The following SLA variants were observed in gnomAD, a reference collection of about 807,000 sequenced individuals.
SLA encodes the protein src-like-adapter.
SLA carries 16 observed loss-of-function variants against 30.3 expected under a neutral mutation model. The ratio of observed to expected loss-of-function variants is 0.53; its 90% CI spans 0.36 to 0.80. The LOEUF (loss-of-function observed/expected upper bound fraction) is 0.80, where lower values mean the gene tolerates loss of function less well. Ranked by LOEUF, SLA falls within the 30% of genes least tolerant of loss-of-function variation. SLA has a pLI of 0.01. For synonymous variants in SLA, 143 were observed against 137.8 expected, an observed-to-expected ratio of 1.04 and a Z score of -0.26; for missense variants, 310 against 345.2, an observed-to-expected ratio of 0.90 and a Z score of 0.81.
intron 1 of SLA, among the ~76,000 whole-genome samples, chr8:133,100,724 G>T (rs1849110526): frequency 6.6e-6 from 1 of 152,110 alleles, no homozygotes; most frequent in African/African-American, 2.4e-5. Context: ...ACCATCAACG[G>T]TATGCTGGGT....
chr8:133,065,920 G>A (rs1842969383), intron 2 of SLA, among the ~76,000 whole-genome samples: 1 of 152,170 alleles, frequency 6.6e-6, no homozygotes, highest in Non-Finnish European at 1.5e-5. Context: ...GGAAGCCCGG[G>A]TCTGGGTTTC....
intron 1 of SLA, among the ~76,000 whole-genome samples, chr8:133,087,071 T>C (rs1194875243): frequency 7.0e-6 from 1 of 143,046 alleles, no homozygotes; most frequent in African/African-American, 2.6e-5. Flanking sequence ...AATATATGTT[T>C]ACACACACAC....
intron 1 of SLA, among the ~76,000 whole-genome samples, chr8:133,078,852 G>A (rs541935395): frequency 1.3e-5 from 2 of 152,308 alleles, no homozygotes; most frequent in African/African-American, 4.8e-5. Context: ...GAGCATGAAT[G>A]TATCTCCATC....
intron 1 of SLA, among the ~76,000 whole-genome samples, chr8:133,080,124 T>C (rs1845522985): frequency 6.6e-6 from 1 of 152,008 alleles, no homozygotes; most frequent in Non-Finnish European, 1.5e-5. Flanking sequence ...ACATTTGAAA[T>C]GAGTCCAGAG....
chr8:133,047,967 A>C, intron 5 of SLA, 34 bp from the exon 6 acceptor site: 1 of 1,347,810 alleles, frequency 7.4e-7, no homozygotes, highest in Non-Finnish European at 1.1e-6. Flanking sequence ...TAGGATCCGG[A>C]ACAAGCCCTC....
In SLA at chr8:133,036,858, G is replaced by A. The variant is rs1837201427; in HGVS notation, c.*1666C>T. ...ATGTTCCAATCACATTCGTCACAAC[G>A]GAAAACAACACATAAGATACTGTGC... On this transcript the variant is annotated 3_prime_UTR_variant, in exon 9 of 9. Transcript: ENST00000338087. The A allele has an allele frequency of 1.3e-5, 2 of 152,524 alleles. No homozygotes were observed. The highest frequency in any genetic ancestry group is 1.3e-4 in the Admixed American group (2 of 15,274). The allele number at this position is 152,524 out of a possible 1,614,324, so 9.4% of individuals were successfully genotyped here.
chr8:133,097,419 G>C (rs564100154), intron 1 of SLA, among the ~76,000 whole-genome samples: 2 of 152,286 alleles, frequency 1.3e-5, no homozygotes, highest in South Asian at 4.1e-4. Context: ...CAACTCAAAT[G>C]TCCATTAACA....
chr8:133,060,298 G>T, intron 2 of SLA, 98 bp from the exon 3 acceptor site: 1 of 1,575,230 alleles, frequency 6.3e-7, no homozygotes, highest in Non-Finnish European at 8.6e-7. Context: ...CATTTTTCTG[G>T]CAGCTTGCTT....
At chr8:133,052,820 T>C (rs1486275147) in intron 3 of SLA, among the ~76,000 whole-genome samples, 2 of 152,230 alleles carry the variant, frequency 1.3e-5, no homozygotes, top group Non-Finnish European at 2.9e-5. Context: ...TTTGTTTGGC[T>C]TCCTGGCAAA....
chr8:133,075,852 C>T (rs1588007251), intron 1 of SLA, among the ~76,000 whole-genome samples: 1 of 151,876 alleles, frequency 6.6e-6, no homozygotes, highest in Admixed American at 6.6e-5. Context: ...CTTGGTGAGC[C>T]TAGGTGAAGG....
At chr8:133,067,862 G>GA (rs1401788022) in intron 2 of SLA, among the ~76,000 whole-genome samples, 3 of 72,106 alleles carry the variant, frequency 4.2e-5, no homozygotes, top group African/African-American at 7.0e-5. Context: ...GAGAAAGAAA[G>GA]AAAGAAAGGA....
intron 7 of SLA, among the ~76,000 whole-genome samples, chr8:133,044,718 G>A (rs1371916629): frequency 6.6e-6 from 1 of 152,330 alleles, no homozygotes; most frequent in South Asian, 2.1e-4. Context: ...GGTTGCAGTT[G>A]TGAATTTAGG....
Position 133,102,429 on chromosome 8 carries a change from G to C in SLA, c.-319+124C>G. 4 of 841,430 alleles carry C rather than the reference G, an allele frequency of 4.8e-6. No homozygotes were observed. In the East Asian group the frequency reaches 1.1e-4, roughly 23 times the overall value. The allele number at this position is 841,430 out of a possible 1,614,324, so 52.1% of individuals were successfully genotyped here. The stretch of plus-strand genomic sequence containing the variant: ...AGCAGAGACCCACCCATTTTCTTCA[G>C]ACCAAAGACGGAGGGTGGGTACAGG... On this transcript the variant is annotated intron_variant, in intron 1 of 8. Coordinates refer to ENST00000338087, the MANE Select transcript of SLA (RefSeq NM_001045556.3).
chr8:133,053,769 G>T (rs543962819), intron 3 of SLA, among the ~76,000 whole-genome samples: 23 of 152,318 alleles, frequency 1.5e-4, no homozygotes, highest in Non-Finnish European at 2.8e-4. Flanking sequence ...GAGGGAAAGG[G>T]AGGCTTAGAG....
intron 1 of SLA, among the ~76,000 whole-genome samples, chr8:133,082,798 T>C (rs891611409): frequency 6.6e-6 from 1 of 151,878 alleles, no homozygotes; most frequent in African/African-American, 2.4e-5. Flanking sequence ...CATTCTATGA[T>C]GCCTTAATAC....
intron 2 of SLA, among the ~76,000 whole-genome samples, chr8:133,074,556 T>A (rs1844573091): frequency 6.6e-6 from 1 of 152,212 alleles, no homozygotes. Flanking sequence ...CAAATCCCAA[T>A]TATCCTTTGT....
At chr8:133,044,524 T>A (rs1465680596) in intron 7 of SLA, among the ~76,000 whole-genome samples, 1 of 152,194 alleles carries the variant, frequency 6.6e-6, no homozygotes, top group Non-Finnish European at 1.5e-5. Flanking sequence ...ACCCTTGGCA[T>A]GCTCTGAGCA....
chr8:133,090,632 T>G (rs2702987), intron 1 of SLA, among the ~76,000 whole-genome samples: 10,712 of 152,262 alleles, frequency 0.07, 1,221 homozygotes, highest in African/African-American at 0.24. Context: ...TTCCTAATGA[T>G]GAATACAACC....
At chr8:133,042,564 T>C (rs1387686231) in intron 7 of SLA, among the ~76,000 whole-genome samples, 1 of 151,944 alleles carries the variant, frequency 6.6e-6, no homozygotes, top group Non-Finnish European at 1.5e-5. Flanking sequence ...GTAAAAAAAT[T>C]GAGCTTCCAA....
Sources: allele counts gnomAD v4.1 joint callset (sites outside exome capture counted in the v4.1 genomes callset), GRCh38; gene constraint gnomAD v4.1.1; transcripts MANE v1.5; gene names NCBI Gene and HGNC (gene_info 2026-07-23, HGNC 2026-07-21).